RNF19A: variants seen among roughly 807,000 people sequenced by gnomAD.
RNF19A encodes ring finger protein 19A, RBR E3 ubiquitin protein ligase.
Under a neutral mutation model 75.7 loss-of-function variants are expected in RNF19A, and 32 were observed. The ratio of observed to expected loss-of-function variants is 0.42; its 90% CI spans 0.32 to 0.57. The LOEUF (loss-of-function observed/expected upper bound fraction) is 0.57. Ranked by LOEUF, RNF19A falls within the 20% of genes least tolerant of loss-of-function variation. The probability of loss-of-function intolerance (pLI) is 0.10; values close to 1 mark genes in which losing one functional copy is unlikely to be tolerated. For missense variants in RNF19A, 782 were observed against 1,036.3 expected (o/e 0.75, Z 3.37); for synonymous variants, 335 against 345.2 (o/e 0.97, Z 0.33).
At chr8:100,318,767 C>T (rs118042897) in intron 1 of RNF19A, among the ~76,000 whole-genome samples, 20 of 152,332 alleles carry the variant, frequency 1.3e-4, no homozygotes, top group East Asian at 5.8e-4. Context: ...CACTCACTAC[C>T]GGATTTACAT....
Position 100,259,030 on chromosome 8 carries a change from CT to C in RNF19A, c.2042del (p.Lys681ArgfsTer4), listed in dbSNP as rs1170175279. 1 of 1,614,028 alleles carries C rather than the reference CT, an allele frequency of 6.2e-7. No individual in the cohort carries two copies. The highest frequency in any genetic ancestry group is 8.5e-7 in the Non-Finnish European group (1 of 1,180,036). ...KKSKSGKLRK[K>X]GNMKINETRE... The stretch of plus-strand genomic sequence containing the variant: ...TCGTCTCATTTATCTTCATGTTACC[CT>C]TTTTCCTCAGTTTACCACTTTTTGA... On this transcript the variant is annotated frameshift_variant, in exon 10 of 10. Transcript: ENST00000341084. LOFTEE classifies it high-confidence loss of function. The surrounding 1 kb of genome is among the most constrained non-coding windows in gnomAD (Gnocchi z 4.5).
upstream of RNF19A, chr8:100,313,196 T>C: frequency 3.5e-6 from 1 of 287,122 alleles, no homozygotes; most frequent in Non-Finnish European, 5.2e-6. Flanking sequence ...ACTGAGACTA[T>C]AGCAATGAAA....
intron 3 of RNF19A, among the ~76,000 whole-genome samples, chr8:100,274,135 G>A (rs748170221): frequency 3.1e-4 from 47 of 152,062 alleles, no homozygotes; most frequent in Non-Finnish European, 6.2e-4. Context: ...GATTGCTCAC[G>A]GAGTAAGTAG....
At chr8:100,297,820 A>G (rs1821641377) in intron 1 of RNF19A, among the ~76,000 whole-genome samples, 1 of 152,214 alleles carries the variant, frequency 6.6e-6, no homozygotes, top group South Asian at 2.1e-4. Flanking sequence ...GGAAAATATA[A>G]TAAGATGAGG....
chr8:100,310,273 C>G (rs1390443292), upstream of RNF19A: 2 of 982,412 alleles, frequency 2.0e-6, no homozygotes, highest in African/African-American at 3.5e-5. Context: ...ACGTTCGTTC[C>G]GCGCCCGCGC....
At chr8:100,272,659 C>T (rs1280013320) in intron 3 of RNF19A, among the ~76,000 whole-genome samples, 3 of 151,996 alleles carry the variant, frequency 2.0e-5, no homozygotes, top group Admixed American at 6.6e-5. Flanking sequence ...ACTTCAATCT[C>T]CCAAGTAGCT....
intron 7 of RNF19A, among the ~76,000 whole-genome samples, 158 bp downstream of exon 7, chr8:100,263,873 ACTC>A (rs1819842173): frequency 6.6e-6 from 1 of 151,830 alleles, no homozygotes; most frequent in Non-Finnish European, 1.5e-5. Context: ...TCATCCATAC[ACTC>A]CTCCTTGGCA....
chr8:100,259,823 A>C lies in RNF19A; in HGVS notation c.1826+31T>G. ...GAATTATTCCTTTAATTTAAAAAATACTTTCAATTTTTTAACAGTTTTTTC... is the reference window on the plus strand; with the variant it reads ...GAATTATTCCTTTAATTTAAAAAATCCTTTCAATTTTTTAACAGTTTTTTC... On this transcript the variant is annotated intron_variant, in intron 9 of 9. Coordinates refer to ENST00000341084, the MANE Select transcript of RNF19A (RefSeq NM_183419.4). The surrounding 1 kb of genome is among the most constrained non-coding windows in gnomAD (Gnocchi z 4.5). 1 of 1,567,274 alleles carries C rather than the reference A, an allele frequency of 6.4e-7. No homozygotes were observed. Among genetic ancestry groups the C allele is most frequent in the Non-Finnish European group, 8.7e-7 (1 of 1,145,120 alleles).
chr8:100,297,740 T>C (rs111964600), intron 1 of RNF19A, among the ~76,000 whole-genome samples: 1 of 152,248 alleles, frequency 6.6e-6, no homozygotes. Flanking sequence ...TAAATTGTTA[T>C]TGTGTTCCAC....
chr8:100,264,003 C>A lies in RNF19A; in HGVS notation c.1468+31G>T. Reference sequence around the variant, plus strand: ...CCCCACTACTTACACTGTTAATAAGCACATTTTCTTCCTTTGCTTAAAGGA... The same window carrying A: ...CCCCACTACTTACACTGTTAATAAGAACATTTTCTTCCTTTGCTTAAAGGA... On this transcript the variant is annotated intron_variant, in intron 7 of 9. Transcript: ENST00000341084. This position sits in a 1 kb window ranked among gnomAD's most constrained non-coding sequence, Gnocchi z 4.7. 1 of 1,593,088 alleles carries A rather than the reference C, an allele frequency of 6.3e-7. No individual in the cohort carries two copies. The highest frequency in any genetic ancestry group is 8.6e-7 in the Non-Finnish European group (1 of 1,166,850).
rs1388996790 is a variant in RNF19A, at chr8:100,264,361, A to C, written c.1307-166T>G. 1.6e-6 allele frequency: 1 copy of C among 636,364 alleles called. No homozygotes were observed. Among genetic ancestry groups the C allele is most frequent in the African/African-American group, 1.8e-5 (1 of 54,572 alleles). 39.4% of individuals were successfully genotyped at this position (636,364 alleles called of 1,614,324 possible). A position where few individuals can be genotyped will look rare whatever the true frequency, so the allele number is the denominator to read the frequency against. ...AAGTAGATTTACCCAGTTGTTAAGC[A>C]AATTCAAGGTTCCCAGCCTTTCAGG... On this transcript the variant is annotated intron_variant, in intron 6 of 9. Transcript: ENST00000341084. The surrounding 1 kb of genome is among the most constrained non-coding windows in gnomAD (Gnocchi z 4.7).
intron 1 of RNF19A, among the ~76,000 whole-genome samples, chr8:100,289,771 A>G (rs1821202022): frequency 6.6e-6 from 1 of 152,204 alleles, no homozygotes; most frequent in African/African-American, 2.4e-5. Flanking sequence ...CTATTACCCA[A>G]CAATTTCACT....
rs1822390949 is a variant in RNF19A at position 100,317,023 on chromosome 8, A to T, written c.-242-3651T>A. Among the ~76,000 whole-genome samples the T allele has an allele frequency of 1.3e-5, 2 of 152,198 alleles. No homozygotes were observed. Among genetic ancestry groups the T allele is most frequent in the Admixed American group, 1.3e-4 (2 of 15,292 alleles). On this transcript the variant is annotated intron_variant, in intron 1 of 3. Transcript: ENST00000519527. The surrounding 1 kb of genome is among the most constrained non-coding windows in gnomAD (Gnocchi z 4.3). ...TCCGCAGCCGCTGGCCCGGGTGCTA[A>T]GTCCCTCATTGCCCGGGACCAGCAG...
In RNF19A at chr8:100,333,995, CA is replaced by C. The variant is rs1822643503; in HGVS notation, c.-243+2112del. ...GTATTTACTACTACTGCCCAATAAA[CA>C]TCCTCCACCCTAGTTGGACTGGTCT... is the stretch of plus-strand genomic sequence containing the variant. On this transcript the variant is annotated intron_variant, in intron 1 of 3. Transcript: ENST00000519527. This position sits in a 1 kb window ranked among gnomAD's most constrained non-coding sequence, Gnocchi z 4.7. Among the ~76,000 whole-genome samples, 1 of 152,220 alleles carries C rather than the reference CA, an allele frequency of 6.6e-6. No individual in the cohort carries two copies. The highest frequency in any genetic ancestry group is 1.5e-5 in the Non-Finnish European group (1 of 68,050).
At chr8:100,313,901 A>C (rs867328879), upstream of RNF19A, among the ~76,000 whole-genome samples, 1 of 78,464 alleles carries the variant, frequency 1.3e-5, no homozygotes, top group African/African-American at 7.1e-5. Flanking sequence ...AAAGAGAACT[A>C]CTTTTTTTTT....
chr8:100,309,426 T>C (rs905538321), intron 1 of RNF19A: 14 of 985,392 alleles, frequency 1.4e-5, no homozygotes, highest in Non-Finnish European at 1.7e-5. Flanking sequence ...CCGTCAGGAA[T>C]GCGTTCCGCC....
At chr8:100,305,239 G>A (rs551408199) in intron 1 of RNF19A, among the ~76,000 whole-genome samples, 25 of 152,260 alleles carry the variant, frequency 1.6e-4, no homozygotes, top group African/African-American at 5.3e-4. Flanking sequence ...ACAGTAACGC[G>A]CAAAGTCATT....
At chr8:100,309,753 T>G in intron 1 of RNF19A, 114 bp downstream of exon 1, 1 of 985,220 alleles carries the variant, frequency 1.0e-6, no homozygotes, top group Non-Finnish European at 1.2e-6. Flanking sequence ...TCCATTTCTG[T>G]CCCGGGCAGG....
chr8:100,261,443 G>A lies in RNF19A; in HGVS notation c.1682+99C>T, dbSNP rs1819709101. On this transcript the variant is annotated intron_variant, in intron 8 of 9. Coordinates refer to ENST00000341084, the MANE Select transcript of RNF19A (RefSeq NM_183419.4). This position sits in a 1 kb window ranked among gnomAD's most constrained non-coding sequence, Gnocchi z 4.4. ...TACTATTTTGAACCTTGACATAGTA[G>A]GGTTATATATAATCATCATGCTTTA... 9.6e-7 allele frequency: 1 copy of A among 1,041,938 alleles called. No homozygotes were observed. The highest frequency in any genetic ancestry group is 1.5e-6 in the Non-Finnish European group (1 of 685,122). 64.5% of individuals were successfully genotyped at this position (1,041,938 alleles called of 1,614,324 possible). A position where few individuals can be genotyped will look rare whatever the true frequency, so the allele number is the denominator to read the frequency against.
Sources: allele counts gnomAD v4.1 joint callset (sites outside exome capture counted in the v4.1 genomes callset), GRCh38; gene constraint gnomAD v4.1.1; non-coding constraint Gnocchi (gnomAD v3.1); transcripts MANE v1.5; gene names NCBI Gene and HGNC (gene_info 2026-07-23, HGNC 2026-07-21).